ARHGAP24: variants seen among roughly 807,000 people sequenced by gnomAD.
ARHGAP24 encodes Rho GTPase activating protein 24, also known as rho GTPase-activating protein 24.
ARHGAP24 carries 50 observed loss-of-function variants against 76.4 expected under a neutral mutation model. That is an observed-to-expected ratio of 0.65 (90% CI 0.52 to 0.83). The LOEUF is 0.83. ARHGAP24 is among the 40% of genes least tolerant of loss of function. The probability of loss-of-function intolerance (pLI) is 0.00; values close to 1 mark genes in which losing one functional copy is unlikely to be tolerated. For synonymous variants in ARHGAP24, 345 were observed against 323.3 expected (o/e 1.07, Z -0.72); for missense variants, 930 against 914.2 (o/e 1.02, Z -0.22).
chr4:85,800,008 CAT>C (rs371709947), intron 3 of ARHGAP24, among the ~76,000 whole-genome samples: 19 of 152,202 alleles, frequency 1.2e-4, no homozygotes, highest in African/African-American at 4.6e-4. Context: ...ACTAAAGAGA[CAT>C]AAAAACTAAA....
chr4:85,489,630 C>T (rs763826984), intron 1 of ARHGAP24, among the ~76,000 whole-genome samples: 3 of 152,142 alleles, frequency 2.0e-5, no homozygotes, highest in Non-Finnish European at 4.4e-5. Flanking sequence ...GCTCCACAAA[C>T]CTTTGCAGGA....
chr4:85,986,559 G>A (rs1189646821), intron 8 of ARHGAP24, among the ~76,000 whole-genome samples: 1 of 152,098 alleles, frequency 6.6e-6, no homozygotes, highest in Non-Finnish European at 1.5e-5. Flanking sequence ...GCAAAATCCA[G>A]GTATTGCTGA....
In ARHGAP24 at chr4:85,768,543, C is replaced by T. The variant is rs1727012976; in HGVS notation, c.268+46571C>T. ...CATGAGGTCAGGAGTTCAAGGCCAG[C>T]CTGACCAACATGGTGAAACCCTGTC... On this transcript the variant is annotated intron_variant, in intron 3 of 9. Transcript: ENST00000395184. 2.0e-5 allele frequency among the ~76,000 whole-genome samples: 3 copies of T among 152,098 alleles called. 1 individual carries two copies. Among genetic ancestry groups the T allele is most frequent in the Admixed American group, 2.0e-4 (3 of 15,278 alleles).
chr4:85,917,682 A>G (rs889539676), intron 3 of ARHGAP24, among the ~76,000 whole-genome samples: 1 of 152,036 alleles, frequency 6.6e-6, no homozygotes, highest in Non-Finnish European at 1.5e-5. Flanking sequence ...GCATTTTTTC[A>G]TGTGTTTTTT....
intron 3 of ARHGAP24, among the ~76,000 whole-genome samples, chr4:85,731,994 T>C (rs1435367676): frequency 6.6e-6 from 1 of 152,248 alleles, no homozygotes; most frequent in Non-Finnish European, 1.5e-5. Context: ...AAAGAAGTTA[T>C]TTGCTGAAAT....
intron 3 of ARHGAP24, among the ~76,000 whole-genome samples, chr4:85,918,062 C>T (rs140160320): frequency 4.9e-4 from 75 of 151,710 alleles, no homozygotes; most frequent in African/African-American, 1.6e-3. Context: ...GTAGAGCATC[C>T]GAGACAATAC....
intron 3 of ARHGAP24, among the ~76,000 whole-genome samples, chr4:85,870,919 T>C (rs1732490092): frequency 6.6e-6 from 1 of 152,192 alleles, no homozygotes; most frequent in Admixed American, 6.6e-5. Context: ...TCAAGTTTCC[T>C]TGTACCAAAT....
intron 3 of ARHGAP24, among the ~76,000 whole-genome samples, chr4:85,740,535 A>G (rs1354525018): frequency 6.6e-6 from 1 of 151,992 alleles, no homozygotes; most frequent in African/African-American, 2.4e-5. Flanking sequence ...CATCTTTTTC[A>G]TATCTATTAC....
At chr4:85,694,265 C>T (rs532071555) in intron 2 of ARHGAP24, among the ~76,000 whole-genome samples, 2 of 152,032 alleles carry the variant, frequency 1.3e-5, no homozygotes, top group African/African-American at 2.4e-5. Context: ...AGAGAAACTA[C>T]GGGATTGTTC....
At chr4:85,712,665 T>G (rs1057012532) in intron 2 of ARHGAP24, among the ~76,000 whole-genome samples, 1 of 152,126 alleles carries the variant, frequency 6.6e-6, no homozygotes, top group East Asian at 1.9e-4. Context: ...TCCACGTTCA[T>G]GTAGCCTCTC....
At chr4:85,978,745 A>G (rs1739478452) in intron 8 of ARHGAP24, among the ~76,000 whole-genome samples, 1 of 152,082 alleles carries the variant, frequency 6.6e-6, no homozygotes, top group Non-Finnish European at 1.5e-5. Context: ...TGAATTATAT[A>G]AAACAAGTCC....
intron 2 of ARHGAP24, among the ~76,000 whole-genome samples, chr4:85,606,637 T>A (rs1720205634): frequency 6.6e-6 from 1 of 152,214 alleles, no homozygotes; most frequent in Non-Finnish European, 1.5e-5. Flanking sequence ...TGAGCCCTTA[T>A]ATTTACTCAT....
intron 3 of ARHGAP24, among the ~76,000 whole-genome samples, chr4:85,907,737 G>T (rs575936109): frequency 6.6e-6 from 1 of 152,256 alleles, no homozygotes; most frequent in African/African-American, 2.4e-5. Flanking sequence ...GATAAGAATT[G>T]TGTCTTAATT....
intron 2 of ARHGAP24, among the ~76,000 whole-genome samples, chr4:85,646,364 T>G (rs1721721928): frequency 6.6e-6 from 1 of 152,096 alleles, no homozygotes; most frequent in Non-Finnish European, 1.5e-5. Context: ...AAAAAGGTGT[T>G]AAATGTAATG....
intron 4 of ARHGAP24, 34 bp from the exon 5 acceptor site, chr4:85,942,029 AAAT>A: frequency 6.3e-7 from 1 of 1,597,232 alleles, no homozygotes; most frequent in East Asian, 2.2e-5. Flanking sequence ...GGGAAGAGAT[AAAT>A]TTCCCAAGTT....
chr4:85,788,150 G>C (rs1727942434), intron 3 of ARHGAP24, among the ~76,000 whole-genome samples: 1 of 152,132 alleles, frequency 6.6e-6, no homozygotes, highest in Non-Finnish European at 1.5e-5. Flanking sequence ...AGATGCCTAT[G>C]TGCGCAGGAG....
intron 3 of ARHGAP24, among the ~76,000 whole-genome samples, chr4:85,889,846 C>A (rs912060794): frequency 6.6e-6 from 1 of 152,108 alleles, no homozygotes; most frequent in African/African-American, 2.4e-5. Flanking sequence ...CCCCCCTAAA[C>A]GCCTTATCTA....
At chr4:85,592,190 A>C (rs1728142245) in intron 2 of ARHGAP24, among the ~76,000 whole-genome samples, 1 of 152,200 alleles carries the variant, frequency 6.6e-6, no homozygotes, top group Non-Finnish European at 1.5e-5. Context: ...TAGTAGAAAT[A>C]TAGATTTATA....
At chr4:85,949,305 G>T (rs1380487518) in intron 5 of ARHGAP24, among the ~76,000 whole-genome samples, 1 of 152,104 alleles carries the variant, frequency 6.6e-6, no homozygotes, top group African/African-American at 2.4e-5. Context: ...ACTGTTCGAG[G>T]TATCTATTGC....
Sources: allele counts gnomAD v4.1 joint callset (sites outside exome capture counted in the v4.1 genomes callset), GRCh38; gene constraint gnomAD v4.1.1; transcripts MANE v1.5; gene names NCBI Gene and HGNC (gene_info 2026-07-23, HGNC 2026-07-21).